NRG3: variants seen among roughly 807,000 people sequenced by gnomAD.
NRG3 encodes the protein neuregulin 3.
In NRG3, 31 loss-of-function variants were observed where a neutral mutation model predicts 66.9. The observed-to-expected ratio is 0.46, with a 90% confidence interval of 0.35 to 0.63. The LOEUF is 0.63. Among genes scored for constraint, NRG3 ranks in the 20% least tolerant of loss-of-function variants. NRG3 has a pLI of 0.00. For missense variants in NRG3, 910 were observed against 878.9 expected, an observed-to-expected ratio of 1.04 and a Z score of -0.45; for synonymous variants, 393 against 359.4, an observed-to-expected ratio of 1.09 and a Z score of -1.06.
intron 1 of NRG3, among the ~76,000 whole-genome samples, chr10:81,909,974 T>G (rs1000021321): frequency 3.9e-5 from 6 of 152,204 alleles, no homozygotes; most frequent in African/African-American, 1.4e-4. Flanking sequence ...TTCCCCTTGC[T>G]CTAAAAGTTA....
At chr10:82,494,481 ATGTG>A (rs377198509) in intron 2 of NRG3, among the ~76,000 whole-genome samples, 48 of 150,142 alleles carry the variant, frequency 3.2e-4, no homozygotes, top group African/African-American at 1.0e-3. Context: ...GTAAGTGCGA[ATGTG>A]TGTGTGTGTG....
intron 6 of NRG3, among the ~76,000 whole-genome samples, chr10:82,960,835 G>C (rs1850569205): frequency 6.6e-6 from 1 of 151,782 alleles, no homozygotes; most frequent in South Asian, 2.1e-4. Flanking sequence ...AGAACAACCT[G>C]CTTTGACTGT....
chr10:82,130,229 A>G (rs2068723997), intron 1 of NRG3, among the ~76,000 whole-genome samples: 4 of 151,610 alleles, frequency 2.6e-5, no homozygotes, highest in Admixed American at 2.6e-4. Context: ...TTATATATAT[A>G]TATTTTTATT....
At chr10:82,565,608 T>C (rs1021536652) in intron 2 of NRG3, among the ~76,000 whole-genome samples, 31 of 152,074 alleles carry the variant, frequency 2.0e-4, no homozygotes, top group Admixed American at 1.6e-3. Flanking sequence ...AAGCTGATTT[T>C]TGTTTTTTGA....
chr10:82,562,044 T>A (rs577205903), intron 2 of NRG3, among the ~76,000 whole-genome samples: 1 of 152,330 alleles, frequency 6.6e-6, no homozygotes, highest in African/African-American at 2.4e-5. Context: ...CAAACCTTCC[T>A]ACATTTATTT....
At chr10:82,246,534 G>A (rs114320783) in intron 1 of NRG3, among the ~76,000 whole-genome samples, 263 of 152,204 alleles carry the variant, frequency 1.7e-3, no homozygotes, top group African/African-American at 6.0e-3. Flanking sequence ...TTTGGCAAAC[G>A]GTATAATTAC....
chr10:82,947,515 A>G (rs1035773535), intron 4 of NRG3, among the ~76,000 whole-genome samples: 1 of 152,120 alleles, frequency 6.6e-6, no homozygotes, highest in African/African-American at 2.4e-5. Context: ...TGAAGCTACT[A>G]TTGGAAATGG....
chr10:82,366,057 C>A (rs2084499832), intron 2 of NRG3, among the ~76,000 whole-genome samples: 1 of 152,090 alleles, frequency 6.6e-6, no homozygotes, highest in Admixed American at 6.5e-5. Context: ...TGTGAGTGTT[C>A]AAAGCTGAGA....
rs998364468 is a variant in NRG3 at position 82,453,809 on chromosome 10, T to A, written c.953+94941T>A. 3.2e-4 allele frequency among the ~76,000 whole-genome samples: 48 copies of A among 152,280 alleles called. 1 individual carries two copies. Among genetic ancestry groups the A allele is most frequent in the African/African-American group, 1.2e-3 (48 of 41,578 alleles). ...CAACAGAGAGAAGGTTAAAAGCATG[T>A]TGTTTTTATTAGAGTTGAATTTGAT... On this transcript the variant is annotated intron_variant, in intron 2 of 8. Transcript: ENST00000372141.
intron 1 of NRG3, among the ~76,000 whole-genome samples, chr10:82,219,956 A>G (rs1589363988): frequency 6.6e-6 from 1 of 152,092 alleles, no homozygotes; most frequent in African/African-American, 2.4e-5. Flanking sequence ...TACGAGAGTA[A>G]ATAATAAGTA....
chr10:82,541,309 T>C (rs1245001339), intron 2 of NRG3, among the ~76,000 whole-genome samples: 1 of 152,206 alleles, frequency 6.6e-6, no homozygotes, highest in Non-Finnish European at 1.5e-5. Flanking sequence ...TATACTCATC[T>C]TGTAGCAGGA....
intron 4 of NRG3, among the ~76,000 whole-genome samples, chr10:82,866,982 A>AT (rs1277277506): frequency 6.6e-6 from 1 of 152,156 alleles, no homozygotes; most frequent in African/African-American, 2.4e-5. Context: ...CAGAGAGAAA[A>AT]AAAATGTTGG....
At chr10:82,234,798 A>G (rs1376458721) in intron 1 of NRG3, among the ~76,000 whole-genome samples, 1 of 152,196 alleles carries the variant, frequency 6.6e-6, no homozygotes, top group African/African-American at 2.4e-5. Flanking sequence ...GAGAGAGCTG[A>G]GAAGGCTGGC....
intron 2 of NRG3, among the ~76,000 whole-genome samples, chr10:82,588,793 A>G (rs544426114): frequency 3.3e-5 from 5 of 152,142 alleles, no homozygotes; most frequent in African/African-American, 1.2e-4. Context: ...GAGCCACCGC[A>G]CCCAGCCTAA....
At chr10:82,421,399 A>G (rs2089058963) in intron 2 of NRG3, among the ~76,000 whole-genome samples, 1 of 152,084 alleles carries the variant, frequency 6.6e-6, no homozygotes, top group Non-Finnish European at 1.5e-5. Context: ...TAAATATTAC[A>G]TGGAAGGGAA....
At chr10:82,553,843 A>G (rs189429232) in intron 2 of NRG3, among the ~76,000 whole-genome samples, 7 of 152,284 alleles carry the variant, frequency 4.6e-5, no homozygotes, top group Non-Finnish European at 8.8e-5. Flanking sequence ...ATATTTAAGT[A>G]CATGTATACT....
chr10:82,024,942 T>G (rs1209476247), intron 1 of NRG3, among the ~76,000 whole-genome samples: 2 of 152,068 alleles, frequency 1.3e-5, no homozygotes, highest in Non-Finnish European at 2.9e-5. Context: ...GGAGCTTCCT[T>G]GATCAGCCTG....
chr10:81,930,040 T>C (rs1361313556), intron 1 of NRG3, among the ~76,000 whole-genome samples: 5 of 152,188 alleles, frequency 3.3e-5, no homozygotes, highest in Non-Finnish European at 7.3e-5. Context: ...CTCAATGCAC[T>C]GGGCCTTTCT....
At position 82,511,372 on chromosome 10, in the gene NRG3, A is replaced by G. The variant is rs138892489; in HGVS notation, c.953+152504A>G. ...TATCCCAGCTTATCACTTAAAATCA[A>G]TGACCTATTTTCTTACCCTTGCCTA... On this transcript the variant is annotated intron_variant, in intron 2 of 8. Coordinates refer to ENST00000372141, the MANE Select transcript of NRG3 (RefSeq NM_001010848.4). Among the ~76,000 whole-genome samples, 5 of 152,310 alleles carry G rather than the reference A, an allele frequency of 3.3e-5. No homozygotes were observed. In the East Asian group the frequency reaches 5.8e-4, roughly 18 times the overall value.
Sources: gnomAD v4.1 joint callset for allele counts (sites outside exome capture counted in the v4.1 genomes callset) on GRCh38, gnomAD v4.1.1 for gene constraint, MANE v1.5 for transcripts, NCBI Gene and HGNC (gene_info 2026-07-23, HGNC 2026-07-21) for gene names.